SLCO1A2: variants seen among roughly 807,000 people sequenced by gnomAD.
SLCO1A2 encodes solute carrier organic anion transporter family member 1A2, also known as OATP-1.
Under a neutral mutation model 69.0 loss-of-function variants are expected in SLCO1A2, and 67 were observed. The observed-to-expected ratio is 0.97, with a 90% CI of 0.80 to 1.19. SLCO1A2 has a LOEUF of 1.19. Among genes scored for constraint, SLCO1A2 ranks in the 50% most tolerant of loss-of-function variants. The probability of loss-of-function intolerance (pLI) is 0.00; values close to 1 mark genes in which losing one functional copy is unlikely to be tolerated. For synonymous variants in SLCO1A2, 260 were observed against 265.9 expected (o/e 0.98, Z 0.22); for missense variants, 787 against 793.7 (o/e 0.99, Z 0.10).
chr12:21,350,629 G>A (rs1214022795), intron 2 of SLCO1A2, among the ~76,000 whole-genome samples: 1 of 151,896 alleles, frequency 6.6e-6, no homozygotes, highest in Non-Finnish European at 1.5e-5. Flanking sequence ...GAGGTCAGAA[G>A]ATCGAGACCA....
At chr12:21,280,266 C>T (rs1354716448) in intron 12 of SLCO1A2, among the ~76,000 whole-genome samples, 3 of 152,090 alleles carry the variant, frequency 2.0e-5, no homozygotes, top group African/African-American at 4.8e-5. Flanking sequence ...ATAGACTAAG[C>T]TCTCCAATAC....
At chr12:21,363,395 T>C (rs11502426) in intron 2 of SLCO1A2, among the ~76,000 whole-genome samples, 1 of 151,872 alleles carries the variant, frequency 6.6e-6, no homozygotes, top group Non-Finnish European at 1.5e-5. Flanking sequence ...CATTTAAAGC[T>C]GTATGTAGAG....
intron 2 of SLCO1A2, among the ~76,000 whole-genome samples, chr12:21,328,902 A>G (rs1952429571): frequency 6.6e-6 from 1 of 152,220 alleles, no homozygotes; most frequent in African/African-American, 2.4e-5. Context: ...TTATAAAGAC[A>G]GTTTCACATG....
At chr12:21,285,062 C>A (rs1480818685) in intron 12 of SLCO1A2, among the ~76,000 whole-genome samples, 1 of 131,656 alleles carries the variant, frequency 7.6e-6, no homozygotes, top group Non-Finnish European at 1.6e-5. Flanking sequence ...ATTAATGAAT[C>A]CAGGAGCTGG....
In SLCO1A2 at chr12:21,279,967, G is replaced by GTT. The variant is rs57057495; in HGVS notation, c.1611-4545_1611-4544dup. On this transcript the variant is annotated intron_variant, in intron 12 of 14. Transcript: ENST00000683939. Reference sequence around the variant, plus strand: ...TAGGAGGACAAAGTTAAAATGTAGAGTTTTTTTTTTAGTTTTCTTTTTGCT... The same window carrying GTT: ...TAGGAGGACAAAGTTAAAATGTAGAGTTTTTTTTTTTTAGTTTTCTTTTTGCT... 4.0e-5 allele frequency among the ~76,000 whole-genome samples: 6 copies of GTT among 149,734 alleles called. No individual in the cohort carries two copies. In the East Asian group the frequency reaches 5.9e-4, roughly 15 times the overall value.
At chr12:21,372,008 A>G (rs937130764) in intron 2 of SLCO1A2, among the ~76,000 whole-genome samples, 4 of 146,622 alleles carry the variant, frequency 2.7e-5, no homozygotes, top group African/African-American at 1.1e-4. Flanking sequence ...CATCTCAAAA[A>G]AAAAGAAAAA....
chr12:21,361,682 G>C (rs12824228), intron 2 of SLCO1A2, among the ~76,000 whole-genome samples: 1 of 151,734 alleles, frequency 6.6e-6, no homozygotes, highest in South Asian at 2.1e-4. Context: ...AGAAAAGACA[G>C]TGTAGAGAAG....
rs1281889945 is a variant in SLCO1A2, at chr12:21,314,487, T to G, written c.335+62A>C. ...AAAGCATTGCTCCTAGAGAGGAAAG[T>G]GCAACTTCATTTCCTGCAAGTGAAA... On this transcript the variant is annotated intron_variant, in intron 4 of 14. Transcript: ENST00000683939. The G allele has an allele frequency of 3.2e-6, 5 of 1,579,760 alleles. No homozygotes were observed. In the African/African-American group the frequency reaches 5.4e-5, roughly 17 times the overall value.
chr12:21,401,042 CAAAA>C lies in SLCO1A2; in HGVS notation c.-312+16836_-312+16839del, dbSNP rs71043272. Among the ~76,000 whole-genome samples, 4 of 145,436 alleles carry C rather than the reference CAAAA, an allele frequency of 2.8e-5. No homozygotes were observed. In the East Asian group the frequency reaches 7.9e-4, roughly 29 times the overall value. The stretch of plus-strand genomic sequence containing the variant: ...TAAAGTATAATAATAAAAAAAAAGA[CAAAA>C]AAAAAATCAGGAACAAATAAAGGTT... On this transcript the variant is annotated intron_variant, in intron 1 of 4. Transcript: ENST00000413682.
Position 21,265,306 on chromosome 12 carries a change from A to G in SLCO1A2, c.*4242T>C, listed in dbSNP as rs927470170. ...TTCCATGAGACTCTGGGAGAACAGC[A>G]TGCATTCTGGGCAGGGTGGGACACA... On this transcript the variant is annotated 3_prime_UTR_variant, in exon 15 of 15. Transcript: ENST00000683939. The G allele has an allele frequency of 6.6e-6, 1 of 152,310 alleles. No homozygotes were observed. The highest frequency in any genetic ancestry group is 2.4e-5 in the African/African-American group (1 of 41,420). The allele number at this position is 152,310 out of a possible 1,614,324, so 9.4% of individuals were successfully genotyped here.
At chr12:21,321,009 C>T (rs752465705) in intron 2 of SLCO1A2, among the ~76,000 whole-genome samples, 1 of 152,154 alleles carries the variant, frequency 6.6e-6, no homozygotes, top group Non-Finnish European at 1.5e-5. Context: ...TTCCATCCAC[C>T]CTATAGTCTG....
intron 2 of SLCO1A2, among the ~76,000 whole-genome samples, chr12:21,363,918 C>T (rs1166105220): frequency 1.3e-5 from 2 of 151,854 alleles, no homozygotes. Context: ...GCCTACCAAC[C>T]AAAAAAAGTC....
chr12:21,413,237 C>CTTTTTTTTTTTTTTTTTTTT (rs3983534), intron 1 of SLCO1A2, among the ~76,000 whole-genome samples: 68 of 99,466 alleles, frequency 6.8e-4, no homozygotes, highest in African/African-American at 1.6e-3. Flanking sequence ...TTTTCTTTTT[C>CTTTTTTTTTTTTTTTTTTTT]TTTTTTTTTT....
At chr12:21,321,484 A>C (rs1345935236) in intron 2 of SLCO1A2, among the ~76,000 whole-genome samples, 1 of 152,240 alleles carries the variant, frequency 6.6e-6, no homozygotes, top group Non-Finnish European at 1.5e-5. Flanking sequence ...TAAATTAATA[A>C]AATACATAGT....
At chr12:21,393,764 ATAAC>A (rs1358769825) in intron 1 of SLCO1A2, among the ~76,000 whole-genome samples, 3 of 152,216 alleles carry the variant, frequency 2.0e-5, no homozygotes, top group South Asian at 2.1e-4. Context: ...AAAGATTCTA[ATAAC>A]TAACATATTC....
At chr12:21,358,399 C>T (rs552787679) in intron 2 of SLCO1A2, among the ~76,000 whole-genome samples, 94 of 152,212 alleles carry the variant, frequency 6.2e-4, no homozygotes, top group African/African-American at 2.2e-3. Flanking sequence ...AAAAATGTTT[C>T]GAGCAATACT....
At chr12:21,359,506 A>C (rs1938644917) in intron 2 of SLCO1A2, among the ~76,000 whole-genome samples, 1 of 152,198 alleles carries the variant, frequency 6.6e-6, no homozygotes, top group Non-Finnish European at 1.5e-5. Flanking sequence ...ATAACCTTGC[A>C]ATGAAATCCA....
intron 4 of SLCO1A2, among the ~76,000 whole-genome samples, chr12:21,313,624 A>C (rs925517160): frequency 6.6e-6 from 1 of 152,176 alleles, no homozygotes; most frequent in Non-Finnish European, 1.5e-5. Flanking sequence ...AGGCAGGAGA[A>C]TCACTTGACC....
rs560249116 is a variant in SLCO1A2, at chr12:21,318,512, C to A, written c.202+270G>T. On this transcript the variant is annotated intron_variant, in intron 3 of 14. Transcript: ENST00000683939. ...TATTTAAATATAAATACTGTAAATA[C>A]TCTGCTACTCATGCTACATAACTAA... Among the ~76,000 whole-genome samples the A allele has an allele frequency of 2.6e-5, 4 of 152,216 alleles. No homozygotes were observed. In the East Asian group the frequency reaches 7.7e-4, roughly 29 times the overall value.
Sources: allele counts gnomAD v4.1 joint callset (sites outside exome capture counted in the v4.1 genomes callset), GRCh38; gene constraint gnomAD v4.1.1; transcripts MANE v1.5; gene names NCBI Gene and HGNC (gene_info 2026-07-23, HGNC 2026-07-21).